Variants in PDE4D observed in about 807,000 individuals in gnomAD.
PDE4D encodes phosphodiesterase 4D, also known as 3',5'-cyclic-AMP phosphodiesterase 4D.
Under a neutral mutation model 87.4 loss-of-function variants are expected in PDE4D, and 24 were observed. That is an observed-to-expected ratio of 0.27 (90% CI 0.20 to 0.39). The LOEUF is 0.39. PDE4D is among the 10% of genes least tolerant of loss of function. The pLI is 1.00. For missense variants in PDE4D, 714 were observed against 1,041.0 expected (o/e 0.69, Z 4.32); for synonymous variants, 384 against 383.2 (o/e 1.00, Z -0.02).
At chr5:59,044,534 G>A (rs898053339) in intron 5 of PDE4D, among the ~76,000 whole-genome samples, 2 of 152,134 alleles carry the variant, frequency 1.3e-5, no homozygotes, top group African/African-American at 4.8e-5. Context: ...CATTCCTTTA[G>A]TTTGCTACAG....
chr5:59,606,014 A>G (rs573113671), intron 1 of PDE4D, among the ~76,000 whole-genome samples: 1 of 152,230 alleles, frequency 6.6e-6, no homozygotes, highest in Non-Finnish European at 1.5e-5. Flanking sequence ...ACTATACTAA[A>G]TAAGAACAGT....
chr5:59,185,606 T>A (rs1355288032), intron 3 of PDE4D, among the ~76,000 whole-genome samples: 1 of 152,178 alleles, frequency 6.6e-6, no homozygotes, highest in Non-Finnish European at 1.5e-5. Flanking sequence ...TAATATAAAA[T>A]GCTAATAAAG....
At chr5:59,582,712 G>A (rs538504632) in intron 1 of PDE4D, among the ~76,000 whole-genome samples, 8 of 152,086 alleles carry the variant, frequency 5.3e-5, no homozygotes, top group Admixed American at 2.6e-4. Flanking sequence ...TTGATACCTG[G>A]AAAAGGACAG....
chr5:60,099,986 G>C (rs1201791891), intron 2 of PDE4D, among the ~76,000 whole-genome samples: 3 of 151,724 alleles, frequency 2.0e-5, no homozygotes, highest in Non-Finnish European at 4.4e-5. Flanking sequence ...AGAAAACCCT[G>C]GAACAACTCA....
chr5:59,765,849 G>T (rs1262345018), intron 1 of PDE4D, among the ~76,000 whole-genome samples: 1 of 152,176 alleles, frequency 6.6e-6, no homozygotes, highest in Non-Finnish European at 1.5e-5. Flanking sequence ...AGCTAAAACA[G>T]ATGTCTTCCA....
chr5:59,422,138 A>C (rs192021698), intron 1 of PDE4D, among the ~76,000 whole-genome samples: 1 of 152,210 alleles, frequency 6.6e-6, no homozygotes. Flanking sequence ...GGGGATGATG[A>C]GGCCTGAGGA....
chr5:60,021,276 GA>G (rs142333746), intron 2 of PDE4D: 2,305 of 152,278 alleles, frequency 0.015, 62 homozygotes, highest in African/African-American at 0.052. Context: ...GTCACTCAAT[GA>G]CATGCAACAA....
At chr5:59,294,067 T>C (rs1768574629) in intron 1 of PDE4D, among the ~76,000 whole-genome samples, 1 of 152,184 alleles carries the variant, frequency 6.6e-6, no homozygotes, top group South Asian at 2.1e-4. Flanking sequence ...GACTACAGAA[T>C]GTTTAGTTTA....
At chr5:59,053,647 T>G (rs1170418923) in intron 5 of PDE4D, among the ~76,000 whole-genome samples, 27 of 107,346 alleles carry the variant, frequency 2.5e-4, no homozygotes, top group Non-Finnish European at 4.9e-4. Flanking sequence ...TGTTTTTTGT[T>G]TTTTTTTGTT....
intron 1 of PDE4D, among the ~76,000 whole-genome samples, chr5:59,552,060 T>G (rs1280267143): frequency 6.6e-6 from 1 of 151,824 alleles, no homozygotes; most frequent in Non-Finnish European, 1.5e-5. Flanking sequence ...TACAAAAAAT[T>G]TTTGAAAAAC....
At chr5:59,512,237 C>T (rs753385832) in intron 1 of PDE4D, among the ~76,000 whole-genome samples, 1 of 152,132 alleles carries the variant, frequency 6.6e-6, no homozygotes, top group Non-Finnish European at 1.5e-5. Context: ...CTTTTGAATG[C>T]TGTGGCAACT....
intron 1 of PDE4D, among the ~76,000 whole-genome samples, chr5:59,805,902 TC>T (rs143213469): frequency 0.023 from 3,450 of 152,296 alleles, 67 homozygotes; most frequent in Non-Finnish European, 0.035. Flanking sequence ...TTTTGCCACC[TC>T]CCCGTCTGTC....
chr5:59,267,815 T>A (rs1362171897), intron 1 of PDE4D, among the ~76,000 whole-genome samples: 3 of 152,152 alleles, frequency 2.0e-5, no homozygotes, highest in Non-Finnish European at 4.4e-5. Context: ...GCATACATTC[T>A]ACACCTAGTT....
intron 3 of PDE4D, among the ~76,000 whole-genome samples, chr5:59,914,735 T>C (rs1458279868): frequency 1.3e-5 from 2 of 151,946 alleles, no homozygotes; most frequent in Admixed American, 1.3e-4. Flanking sequence ...GAATGGCAAG[T>C]GTGGAGATAC....
intron 1 of PDE4D, among the ~76,000 whole-genome samples, chr5:60,376,582 G>A (rs950016612): frequency 1.3e-5 from 2 of 152,132 alleles, no homozygotes; most frequent in African/African-American, 4.8e-5. Flanking sequence ...AAAACACTCA[G>A]TAGCTCTTCC....
At chr5:59,986,092 C>T (rs376924980) in intron 3 of PDE4D, among the ~76,000 whole-genome samples, 25 of 152,322 alleles carry the variant, frequency 1.6e-4, no homozygotes, top group Middle Eastern at 3.4e-3. Context: ...CTCTCTGACA[C>T]CCAGGCCAGG....
chr5:60,315,519 T>G (rs1246859162), intron 1 of PDE4D, among the ~76,000 whole-genome samples: 4 of 152,234 alleles, frequency 2.6e-5, no homozygotes, highest in African/African-American at 7.2e-5. Context: ...TTTTGGCTTT[T>G]GTTGCCATTG....
intron 1 of PDE4D, among the ~76,000 whole-genome samples, chr5:59,287,059 T>C (rs1767088488): frequency 6.6e-6 from 1 of 152,086 alleles, no homozygotes; most frequent in South Asian, 2.1e-4. Flanking sequence ...GAACCAAAAA[T>C]CAGCTTAGGT....
intron 1 of PDE4D, among the ~76,000 whole-genome samples, chr5:59,774,409 AG>A (rs1364271273): frequency 6.6e-6 from 1 of 152,210 alleles, no homozygotes; most frequent in Admixed American, 6.5e-5. Flanking sequence ...AAACATCAAA[AG>A]CCAGTAAACA....
Sources: gnomAD v4.1 joint callset for allele counts (sites outside exome capture counted in the v4.1 genomes callset) on GRCh38, gnomAD v4.1.1 for gene constraint, MANE v1.5 for transcripts, NCBI Gene and HGNC (gene_info 2026-07-23, HGNC 2026-07-21) for gene names.